TBX20: variants seen among roughly 807,000 people sequenced by gnomAD.
The protein encoded by TBX20 is T-box transcription factor 20.
TBX20 carries 8 observed loss-of-function variants against 42.9 expected under a neutral mutation model. The observed-to-expected ratio is 0.19, with a 90% confidence interval of 0.11 to 0.34. The LOEUF (loss-of-function observed/expected upper bound fraction) is 0.34. Ranked by LOEUF, TBX20 falls within the 10% of genes least tolerant of loss-of-function variation. The probability of loss-of-function intolerance (pLI) is 1.00; values close to 1 mark genes in which losing one functional copy is unlikely to be tolerated. For synonymous variants in TBX20, 198 were observed against 222.8 expected, an observed-to-expected ratio of 0.89 and a Z score of 0.99; for missense variants, 411 against 566.0, an observed-to-expected ratio of 0.73 and a Z score of 2.78.
intron 6 of TBX20, among the ~76,000 whole-genome samples, chr7:35,215,459 T>C (rs1789568542): frequency 6.6e-6 from 1 of 152,168 alleles, no homozygotes; most frequent in Non-Finnish European, 1.5e-5. Context: ...ATTTCTAAAA[T>C]ACTGTACCCT....
chr7:35,234,522 T>G (rs1789926123), intron 5 of TBX20, among the ~76,000 whole-genome samples: 2 of 152,240 alleles, frequency 1.3e-5, no homozygotes, highest in African/African-American at 4.8e-5. Flanking sequence ...TCTCTCATTA[T>G]GAGAATTATC....
intron 1 of TBX20, among the ~76,000 whole-genome samples, chr7:35,251,606 C>A (rs902033170): frequency 2.0e-4 from 30 of 152,094 alleles, no homozygotes; most frequent in Non-Finnish European, 1.8e-4. Context: ...CTGAAAGAGG[C>A]AAACTCCCTA....
At chr7:35,244,517 T>C (rs1790143020) in intron 4 of TBX20, among the ~76,000 whole-genome samples, 1 of 152,258 alleles carries the variant, frequency 6.6e-6, no homozygotes. Flanking sequence ...ACATATGTTC[T>C]ATAGACTACA....
Position 35,202,873 on chromosome 7 carries a change from C to T in TBX20, c.1004-103G>A, listed in dbSNP as rs563751514. 627 of 1,536,066 alleles carry T rather than the reference C, an allele frequency of 4.1e-4. 1 individual carries two copies. In the African/African-American group the frequency reaches 7.4e-3, roughly 18 times the overall value. ...AATTTGTGTTTAAGAATATTTAATA[C>T]GTCTGTAATTTAGAAAGACAAACAC... is the stretch of plus-strand genomic sequence containing the variant. On this transcript the variant is annotated intron_variant, in intron 7 of 7. Transcript: ENST00000408931.
intron 1 of TBX20, among the ~76,000 whole-genome samples, chr7:35,252,769 T>C (rs1485158873): frequency 2.6e-5 from 4 of 152,224 alleles, no homozygotes; most frequent in Non-Finnish European, 4.4e-5. Flanking sequence ...GGTGGTTCTT[T>C]TCCATGTAAT....
At chr7:35,204,431 T>G (rs1435011771) in intron 7 of TBX20, 39 bp downstream of exon 7, 1 of 1,417,304 alleles carries the variant, frequency 7.1e-7, no homozygotes, top group African/African-American at 1.4e-5. Context: ...TTAGGTGCTC[T>G]GCCTCCCAGC....
chr7:35,231,371 A>C, intron 6 of TBX20, 133 bp downstream of exon 6: 2 of 690,536 alleles, frequency 2.9e-6, no homozygotes, highest in African/African-American at 1.8e-5. Flanking sequence ...TGTACAAGGA[A>C]TGGGGTGCAG....
At chr7:35,218,674 C>G (rs1477993841) in intron 6 of TBX20, among the ~76,000 whole-genome samples, 1 of 151,988 alleles carries the variant, frequency 6.6e-6, no homozygotes, top group Non-Finnish European at 1.5e-5. Flanking sequence ...ATATGTTGCT[C>G]TATATTCCAG....
intron 6 of TBX20, among the ~76,000 whole-genome samples, chr7:35,210,265 C>T (rs564530488): frequency 3.3e-5 from 5 of 152,048 alleles, no homozygotes; most frequent in Admixed American, 1.3e-4. Flanking sequence ...CAGGTGCCCA[C>T]CACCACGCCT....
chr7:35,235,041 A>T (rs745446158), intron 5 of TBX20, among the ~76,000 whole-genome samples: 5 of 152,164 alleles, frequency 3.3e-5, no homozygotes, highest in Admixed American at 6.5e-5. Flanking sequence ...CACAGTGAGA[A>T]ATATGATCTC....
intron 5 of TBX20, among the ~76,000 whole-genome samples, chr7:35,236,213 G>T (rs934735176): frequency 1.3e-5 from 2 of 151,658 alleles, no homozygotes; most frequent in Non-Finnish European, 2.9e-5. Context: ...ACTCTGACTT[G>T]GATTTCAATA....
In TBX20 at chr7:35,244,457, T is replaced by C. The variant is rs185425331; in HGVS notation, c.654+492A>G. Among the ~76,000 whole-genome samples the C allele has an allele frequency of 4.5e-4, 69 of 152,356 alleles. 1 individual carries two copies. The highest frequency in any genetic ancestry group is 5.0e-4 in the Non-Finnish European group (34 of 68,030). ...TGGTTACATAATGAGTAAACAGCACTTTCCCAAACTGATTTGGACATAAAA... is the reference window on the plus strand; with the variant it reads ...TGGTTACATAATGAGTAAACAGCACCTTCCCAAACTGATTTGGACATAAAA... On this transcript the variant is annotated intron_variant, in intron 4 of 7. Transcript: ENST00000408931.
chr7:35,212,571 T>C (rs1054154990), intron 6 of TBX20, among the ~76,000 whole-genome samples: 2 of 152,166 alleles, frequency 1.3e-5, no homozygotes, highest in Non-Finnish European at 2.9e-5. Flanking sequence ...TTAAGTTACC[T>C]GGAAATAATT....
At chr7:35,241,060 A>G (rs1790068811) in intron 4 of TBX20, 23 bp from the exon 5 acceptor site, 1 of 1,610,674 alleles carries the variant, frequency 6.2e-7, no homozygotes, top group African/African-American at 1.3e-5. Context: ...GATGGGAAGT[A>G]CTGAATTTTA....
At chr7:35,236,757 T>C (rs1391903882) in intron 5 of TBX20, among the ~76,000 whole-genome samples, 3 of 152,134 alleles carry the variant, frequency 2.0e-5, no homozygotes, top group African/African-American at 7.2e-5. Flanking sequence ...TATCGAAAAA[T>C]AAACTCAGAC....
At chr7:35,251,004 A>C (rs1489767346) in intron 1 of TBX20, among the ~76,000 whole-genome samples, 1 of 152,196 alleles carries the variant, frequency 6.6e-6, no homozygotes, top group African/African-American at 2.4e-5. Context: ...TGAGGACAAC[A>C]ACCTCAAATC....
At chr7:35,228,084 T>A (rs1789806750) in intron 6 of TBX20, among the ~76,000 whole-genome samples, 3 of 110,598 alleles carry the variant, frequency 2.7e-5, no homozygotes, top group African/African-American at 1.2e-4. Context: ...CAATTAAAAA[T>A]AATACTATGA....
chr7:35,210,838 A>T (rs1015687173), intron 6 of TBX20, among the ~76,000 whole-genome samples: 3 of 152,172 alleles, frequency 2.0e-5, no homozygotes, highest in Admixed American at 6.5e-5. Context: ...TTTTTAATTC[A>T]AACTGACAAT....
rs1440532487 is a variant in TBX20, at chr7:35,250,296, G to C, written c.128-93C>G. On this transcript the variant is annotated intron_variant, in intron 1 of 7. Coordinates refer to ENST00000408931, the MANE Select transcript of TBX20 (RefSeq NM_001077653.2). ...CATAACCAAATGGTCACTTGGATTTGACTCAGGAAAAGTTAAGCTCAGAAA... is the reference window on the plus strand; with the variant it reads ...CATAACCAAATGGTCACTTGGATTTCACTCAGGAAAAGTTAAGCTCAGAAA... 1.4e-4 allele frequency: 207 copies of C among 1,509,076 alleles called. No individual in the cohort carries two copies. In the Middle Eastern group the frequency reaches 1.9e-3, roughly 14 times the overall value. 93.5% of individuals were successfully genotyped at this position (1,509,076 alleles called of 1,614,324 possible). A position where few individuals can be genotyped will look rare whatever the true frequency, so the allele number is the denominator to read the frequency against.
Sources: allele counts gnomAD v4.1 joint callset (sites outside exome capture counted in the v4.1 genomes callset), GRCh38; gene constraint gnomAD v4.1.1; transcripts MANE v1.5; gene names NCBI Gene and HGNC (gene_info 2026-07-23, HGNC 2026-07-21).